The following UNC13C variants were observed in gnomAD, a reference collection of about 807,000 sequenced individuals.
UNC13C encodes protein unc-13 homolog C.
UNC13C carries 174 observed loss-of-function variants against 245.4 expected under a neutral mutation model. The observed-to-expected ratio is 0.71, with a 90% CI of 0.63 to 0.80. UNC13C has a LOEUF of 0.80. Among genes scored for constraint, UNC13C ranks in the 30% least tolerant of loss-of-function variants. The pLI, the probability that UNC13C is intolerant of heterozygous loss-of-function variation, is 0.00. For missense variants in UNC13C, 2,829 were observed against 2,602.9 expected (o/e 1.09, Z -1.89); for synonymous variants, 992 against 895.1 (o/e 1.11, Z -1.93).
At chr15:54,442,423 A>G (rs764552770) in intron 19 of UNC13C, among the ~76,000 whole-genome samples, 8 of 151,836 alleles carry the variant, frequency 5.3e-5, no homozygotes, top group East Asian at 1.9e-4. Context: ...GGGTTTCACA[A>G]TGTTGGCTAG....
At chr15:54,213,745 A>G (rs1397506654) in intron 4 of UNC13C, among the ~76,000 whole-genome samples, 1 of 152,080 alleles carries the variant, frequency 6.6e-6, no homozygotes, top group Admixed American at 6.6e-5. Context: ...AGATAAAGCT[A>G]TATCAAGCAG....
intron 16 of UNC13C, among the ~76,000 whole-genome samples, chr15:54,337,143 C>T (rs2038599199): frequency 6.6e-6 from 1 of 152,158 alleles, no homozygotes; most frequent in Admixed American, 6.5e-5. Context: ...ACCATTGGCT[C>T]TTTTGGGAGC....
At chr15:53,849,018 A>T in the UNC13C span, among the ~76,000 whole-genome samples, 1 of 151,990 alleles carries the variant, frequency 6.6e-6, no homozygotes, top group South Asian at 2.1e-4. Context: ...CTACATTTTT[A>T]TATTTAAAGT....
chr15:54,016,994 T>C (rs1381418004), intron 2 of UNC13C, among the ~76,000 whole-genome samples: 2 of 152,200 alleles, frequency 1.3e-5, no homozygotes, highest in African/African-American at 4.8e-5. Context: ...AAAGCTGTGA[T>C]CAAACTCCCC....
At chr15:53,878,649 T>C in the UNC13C span, among the ~76,000 whole-genome samples, 1 of 152,032 alleles carries the variant, frequency 6.6e-6, no homozygotes, top group Non-Finnish European at 1.5e-5. Context: ...TTTCACACAA[T>C]AATTTTAAGA....
At chr15:54,610,493 A>T (rs766060283) in intron 30 of UNC13C, among the ~76,000 whole-genome samples, 3 of 152,106 alleles carry the variant, frequency 2.0e-5, no homozygotes, top group Non-Finnish European at 2.9e-5. Context: ...ACCTCTAAAA[A>T]TGTTAGTCAT....
At chr15:54,446,534 G>A (rs1050547407) in intron 19 of UNC13C, among the ~76,000 whole-genome samples, 3 of 152,110 alleles carry the variant, frequency 2.0e-5, no homozygotes, top group Non-Finnish European at 1.5e-5. Flanking sequence ...GGATTCCTAG[G>A]TATTTTATTC....
chr15:54,388,531 C>A (rs1232217458), intron 17 of UNC13C, among the ~76,000 whole-genome samples: 1 of 152,130 alleles, frequency 6.6e-6, no homozygotes. Flanking sequence ...GAAGGAAATT[C>A]CTAGCTAATT....
chr15:53,991,997 C>A (rs906461915), intron 1 of UNC13C, among the ~76,000 whole-genome samples: 3 of 152,006 alleles, frequency 2.0e-5, no homozygotes, highest in Non-Finnish European at 4.4e-5. Flanking sequence ...TATATTCACT[C>A]TAGTACATCT....
At chr15:54,510,766 T>A (rs1487166997) in intron 23 of UNC13C, among the ~76,000 whole-genome samples, 2 of 152,172 alleles carry the variant, frequency 1.3e-5, no homozygotes, top group African/African-American at 4.8e-5. Flanking sequence ...TCTCAGCAAC[T>A]TGGAAGATAC....
the UNC13C span, among the ~76,000 whole-genome samples, chr15:53,942,283 T>G: frequency 1.3e-5 from 2 of 152,168 alleles, no homozygotes; most frequent in Non-Finnish European, 2.9e-5. Context: ...GCTGTTATCC[T>G]CAGCAAGCTA....
chr15:54,092,171 C>T (rs1478890329), intron 2 of UNC13C, among the ~76,000 whole-genome samples: 2 of 152,234 alleles, frequency 1.3e-5, no homozygotes, highest in Non-Finnish European at 1.5e-5. Context: ...CCAGAAGGCT[C>T]CTTAGCTGGG....
intron 2 of UNC13C, among the ~76,000 whole-genome samples, chr15:54,016,718 T>G (rs1299725343): frequency 6.6e-6 from 1 of 152,232 alleles, no homozygotes; most frequent in Admixed American, 6.5e-5. Flanking sequence ...TCAACCCAAC[T>G]TCCTCCGCAC....
At chr15:54,080,593 T>A (rs1020531111) in intron 2 of UNC13C, among the ~76,000 whole-genome samples, 2 of 152,068 alleles carry the variant, frequency 1.3e-5, no homozygotes, top group African/African-American at 4.8e-5. Context: ...TCTTGGTTTC[T>A]ATTTTGTACA....
At chr15:54,491,468 C>T (rs1300264092) in intron 19 of UNC13C, among the ~76,000 whole-genome samples, 2 of 151,940 alleles carry the variant, frequency 1.3e-5, no homozygotes, top group African/African-American at 4.8e-5. Context: ...TATCAATATG[C>T]ATATTTGAGT....
chr15:54,543,066 A>C (rs139937827), intron 26 of UNC13C, among the ~76,000 whole-genome samples: 320 of 152,240 alleles, frequency 2.1e-3, no homozygotes, highest in African/African-American at 7.0e-3. Context: ...TATTTTGCCC[A>C]TTAGTTGATG....
intron 1 of UNC13C, among the ~76,000 whole-genome samples, chr15:53,990,161 AACAT>A (rs1407971294): frequency 2.0e-5 from 3 of 152,010 alleles, no homozygotes; most frequent in African/African-American, 7.2e-5. Context: ...ACCCTATTAA[AACAT>A]ACTCTCTTAA....
At chr15:54,427,840 G>T (rs1055482274) in intron 19 of UNC13C, among the ~76,000 whole-genome samples, 1 of 151,686 alleles carries the variant, frequency 6.6e-6, no homozygotes, top group Non-Finnish European at 1.5e-5. Flanking sequence ...TTATAATGTT[G>T]TAAGTCCCTG....
In UNC13C at chr15:54,011,742, TCTC is replaced by T. The variant is rs574242290; in HGVS notation, c.-256-899_-256-897del. On this transcript the variant is annotated intron_variant, in intron 1 of 32. Coordinates refer to ENST00000260323, the MANE Select transcript of UNC13C (RefSeq NM_001080534.3). ...AGTTCATCTCTTTCGCTCCATCTTTTCTCCTCCTCTTCTATGCTCCCCTTGTCT... is the reference window on the plus strand; with the variant it reads ...AGTTCATCTCTTTCGCTCCATCTTTTCTCCTCTTCTATGCTCCCCTTGTCT... Among the ~76,000 whole-genome samples, 316 of 152,286 alleles carry T rather than the reference TCTC, an allele frequency of 2.1e-3. 1 individual carries two copies. The highest frequency in any genetic ancestry group is 0.014 in the Middle Eastern group (4 of 294).
Sources: allele counts gnomAD v4.1 joint callset (sites outside exome capture counted in the v4.1 genomes callset), GRCh38; gene constraint gnomAD v4.1.1; transcripts MANE v1.5; gene names NCBI Gene and HGNC (gene_info 2026-07-23, HGNC 2026-07-21).